The following ZNF469 variants were observed in gnomAD, a reference collection of about 807,000 sequenced individuals.
The protein encoded by ZNF469 is zinc finger protein 469.
A neutral mutation model predicts 1.0 loss-of-function variants in ZNF469; 1 was observed. The ratio of observed to expected loss-of-function variants is 1.00; its 90% CI spans 0.35 to 4.73. The LOEUF (loss-of-function observed/expected upper bound fraction) is 4.73, where lower values mean the gene tolerates loss of function less well. Among genes scored for constraint, ZNF469 ranks in the 30% most tolerant of loss-of-function variants. ZNF469 has a pLI of 0.16. For missense variants in ZNF469, 6,100 were observed against 5,356.3 expected (o/e 1.14, Z -4.33); for synonymous variants, 2,703 against 2,363.4 (o/e 1.14, Z -4.17).
chr16:88,324,626 G>T, the ZNF469 span, among the ~76,000 whole-genome samples: 1 of 152,338 alleles, frequency 6.6e-6, no homozygotes, highest in East Asian at 1.9e-4. Flanking sequence ...TAACCCACAG[G>T]GAGTGCGCCA....
chr16:88,272,812 G>A, the ZNF469 span, among the ~76,000 whole-genome samples: 2 of 151,060 alleles, frequency 1.3e-5, no homozygotes, highest in Non-Finnish European at 2.9e-5. Context: ...ATAGACGAGT[G>A]GGCAGATGGA....
At chr16:88,215,375 G>T in the ZNF469 span, among the ~76,000 whole-genome samples, 3 of 101,632 alleles carry the variant, frequency 3.0e-5, no homozygotes, top group African/African-American at 7.2e-5. Context: ...TTCATATCTT[G>T]CCTTTTAATT....
At chr16:88,406,095 C>T (rs1334106090) in intron 1 of ZNF469, among the ~76,000 whole-genome samples, 1 of 152,204 alleles carries the variant, frequency 6.6e-6, no homozygotes, top group African/African-American at 2.4e-5. Flanking sequence ...AGCCCGGAGC[C>T]GACCACGCCA....
the ZNF469 span, among the ~76,000 whole-genome samples, chr16:88,300,988 C>A: frequency 6.6e-6 from 1 of 151,952 alleles, no homozygotes; most frequent in South Asian, 2.1e-4. Context: ...TCCATTGAAC[C>A]TGTGAGGCAG....
chr16:88,336,449 C>T, the ZNF469 span, among the ~76,000 whole-genome samples: 14 of 151,090 alleles, frequency 9.3e-5, no homozygotes, highest in Middle Eastern at 6.9e-3. Context: ...TCATCCTTCA[C>T]GTGAGACACT....
chr16:88,317,803 C>A, the ZNF469 span, among the ~76,000 whole-genome samples: 1 of 152,232 alleles, frequency 6.6e-6, no homozygotes, highest in African/African-American at 2.4e-5. Flanking sequence ...TCTTTATCTC[C>A]CAAATCCCAT....
At chr16:88,326,210 C>T in the ZNF469 span, among the ~76,000 whole-genome samples, 4 of 152,214 alleles carry the variant, frequency 2.6e-5, no homozygotes, top group Non-Finnish European at 4.4e-5. Flanking sequence ...GGGGGTGGCT[C>T]TTTCCATGCT....
At chr16:88,114,914 G>A in the ZNF469 span, among the ~76,000 whole-genome samples, 1 of 152,120 alleles carries the variant, frequency 6.6e-6, no homozygotes, top group East Asian at 1.9e-4. Context: ...GGGCGAAAAT[G>A]TCTTCTCAGT....
At chr16:88,176,098 A>C in the ZNF469 span, among the ~76,000 whole-genome samples, 31 of 151,604 alleles carry the variant, frequency 2.0e-4, no homozygotes, top group Admixed American at 5.9e-4. Flanking sequence ...CCACTCCCAG[A>C]GGGCTGGGGG....
At chr16:88,116,288 G>A in the ZNF469 span, among the ~76,000 whole-genome samples, 1 of 152,178 alleles carries the variant, frequency 6.6e-6, no homozygotes, top group Non-Finnish European at 1.5e-5. Flanking sequence ...ACACCCCCAT[G>A]AGGACGGCCA....
the ZNF469 span, among the ~76,000 whole-genome samples, chr16:88,324,056 C>A: frequency 1.3e-5 from 2 of 152,230 alleles, no homozygotes; most frequent in Non-Finnish European, 2.9e-5. Context: ...CAGGCTTCAG[C>A]TGGAGCAGCT....
the ZNF469 span, among the ~76,000 whole-genome samples, chr16:88,283,429 C>T: frequency 6.6e-6 from 1 of 152,044 alleles, no homozygotes; most frequent in East Asian, 1.9e-4. Context: ...AATGAATGAA[C>T]AGAGAGGGAT....
chr16:88,195,400 A>C, the ZNF469 span, among the ~76,000 whole-genome samples: 20 of 152,190 alleles, frequency 1.3e-4, no homozygotes, highest in African/African-American at 4.1e-4. Flanking sequence ...TGGTTTTGCG[A>C]AAATCCATGA....
At chr16:88,127,915 A>T in the ZNF469 span, among the ~76,000 whole-genome samples, 1 of 152,212 alleles carries the variant, frequency 6.6e-6, no homozygotes, top group African/African-American at 2.4e-5. Context: ...GTGAAGATCA[A>T]AGAGTTTATT....
the ZNF469 span, among the ~76,000 whole-genome samples, chr16:88,303,810 A>G: frequency 6.6e-6 from 1 of 152,150 alleles, no homozygotes; most frequent in Non-Finnish European, 1.5e-5. Flanking sequence ...GGGAATGACA[A>G]TTATCTTCCT....
the ZNF469 span, among the ~76,000 whole-genome samples, chr16:88,202,975 T>C: frequency 1.3e-5 from 2 of 152,008 alleles, no homozygotes; most frequent in African/African-American, 4.8e-5. Flanking sequence ...CTCTGTGCAG[T>C]GCAGGCAGCC....
chr16:88,111,235 A>T, the ZNF469 span, among the ~76,000 whole-genome samples: 1 of 152,154 alleles, frequency 6.6e-6, no homozygotes, highest in Admixed American at 6.5e-5. Context: ...GCCAGTCTGC[A>T]ATGGGCTGTT....
At chr16:88,124,647 C>T in the ZNF469 span, among the ~76,000 whole-genome samples, 140 of 152,252 alleles carry the variant, frequency 9.2e-4, no homozygotes, top group African/African-American at 3.1e-3. Context: ...TGCAATGGCA[C>T]GATCTAGGCT....
the ZNF469 span, among the ~76,000 whole-genome samples, chr16:88,125,406 A>G: frequency 1.3e-5 from 2 of 152,248 alleles, no homozygotes; most frequent in Non-Finnish European, 2.9e-5. Context: ...GAAAGAGGGA[A>G]TCCTCCCTAA....
Sources: gnomAD v4.1 joint callset for allele counts (sites outside exome capture counted in the v4.1 genomes callset) on GRCh38, gnomAD v4.1.1 for gene constraint, MANE v1.5 for transcripts, NCBI Gene and HGNC (gene_info 2026-07-23, HGNC 2026-07-21) for gene names.